Variants in STRN3 observed in about 807,000 individuals in gnomAD.
STRN3 encodes striatin 3, also known as striatin-3.
In STRN3, 29 loss-of-function variants were observed where a neutral mutation model predicts 95.6. That is an observed-to-expected ratio of 0.30 (90% CI 0.23 to 0.41). The LOEUF (loss-of-function observed/expected upper bound fraction) is 0.41, where lower values mean the gene tolerates loss of function less well. Among genes scored for constraint, STRN3 ranks in the 10% least tolerant of loss-of-function variants. The pLI, the probability that STRN3 is intolerant of heterozygous loss-of-function variation, is 1.00. For missense variants in STRN3, 890 were observed against 972.1 expected (o/e 0.92, Z 1.12); for synonymous variants, 331 against 357.6 (o/e 0.93, Z 0.84).
intron 1 of STRN3, among the ~76,000 whole-genome samples, chr14:31,011,784 A>ATTTATTT (rs1317975070): frequency 6.6e-6 from 1 of 152,102 alleles, no homozygotes; most frequent in African/African-American, 2.4e-5. Flanking sequence ...ATTTTTATTT[A>ATTTATTT]TTTATTTTTT....
chr14:30,896,604 A>T (rs1222308490), intron 16 of STRN3, among the ~76,000 whole-genome samples: 1 of 152,072 alleles, frequency 6.6e-6, no homozygotes, highest in Non-Finnish European at 1.5e-5. Flanking sequence ...GGAAGAAGGA[A>T]GGAAAAGTGT....
At chr14:30,960,781 ATGGCGTGAACCCGAGAGGCGGAGCT>A (rs1880157436) in intron 1 of STRN3, among the ~76,000 whole-genome samples, 1 of 144,660 alleles carries the variant, frequency 6.9e-6, no homozygotes, top group South Asian at 2.4e-4. Flanking sequence ...AGTCAGGAGA[ATGGCGTGAACCCGAGAGGCGGAGCT>A]TGCAGTGAGC....
chr14:31,022,297 G>A (rs561103941), intron 1 of STRN3, among the ~76,000 whole-genome samples: 3 of 151,380 alleles, frequency 2.0e-5, no homozygotes, highest in Non-Finnish European at 2.9e-5. Context: ...GGAGAATGCC[G>A]TGAACCTGGG....
At chr14:30,974,949 A>G (rs1470841590) in intron 1 of STRN3, among the ~76,000 whole-genome samples, 1 of 151,688 alleles carries the variant, frequency 6.6e-6, no homozygotes, top group Non-Finnish European at 1.5e-5. Flanking sequence ...AAAACTCAGT[A>G]TCTGCAAATG....
intron 1 of STRN3, chr14:31,018,928 G>A (rs933799973): frequency 1.1e-4 from 30 of 264,112 alleles, no homozygotes; most frequent in Admixed American, 4.3e-4. Flanking sequence ...TTTGAGACCA[G>A]ACTGGCCAAT....
intron 1 of STRN3, among the ~76,000 whole-genome samples, chr14:30,969,368 C>T (rs1880710160): frequency 6.6e-6 from 1 of 151,696 alleles, no homozygotes; most frequent in Non-Finnish European, 1.5e-5. Flanking sequence ...ACCCGGGAGG[C>T]GGAGCTTGCA....
At chr14:30,908,661 C>T (rs1354690910) in intron 13 of STRN3, among the ~76,000 whole-genome samples, 1 of 152,202 alleles carries the variant, frequency 6.6e-6, no homozygotes, top group Non-Finnish European at 1.5e-5. Flanking sequence ...TTAGTGTGCG[C>T]TTCCATGATT....
At chr14:31,014,183 G>C (rs1005214110) in intron 1 of STRN3, among the ~76,000 whole-genome samples, 1 of 151,952 alleles carries the variant, frequency 6.6e-6, no homozygotes, top group Non-Finnish European at 1.5e-5. Flanking sequence ...GGGATTATAG[G>C]AAGGAGCCTG....
At chr14:30,960,746 G>GT (rs1880154744) in intron 1 of STRN3, among the ~76,000 whole-genome samples, 1 of 151,688 alleles carries the variant, frequency 6.6e-6, no homozygotes, top group Non-Finnish European at 1.5e-5. Flanking sequence ...GCGGGCGCCT[G>GT]TAATCCCAGC....
At chr14:30,937,499 A>G (rs1000972183) in intron 5 of STRN3, among the ~76,000 whole-genome samples, 8 of 152,150 alleles carry the variant, frequency 5.3e-5, no homozygotes, top group Non-Finnish European at 1.0e-4. Context: ...GACAATATAT[A>G]TATTTTATCC....
chr14:30,990,309 C>T (rs1459086792), intron 1 of STRN3, among the ~76,000 whole-genome samples: 3 of 151,586 alleles, frequency 2.0e-5, no homozygotes, highest in East Asian at 1.9e-4. Flanking sequence ...ACTATAGGTG[C>T]CCGCCACCAG....
In STRN3 at chr14:30,894,843, A is replaced by C. The variant is rs1444798219; in HGVS notation, c.*568T>G. On this transcript the variant is annotated 3_prime_UTR_variant, in exon 18 of 18. Coordinates refer to ENST00000357479, the MANE Select transcript of STRN3 (RefSeq NM_001083893.2). ...CTTATAAAAACTAGAATTTTATCCA[A>C]ACATTTTGTGCAACTAATGCTAAAA... 7.5e-6 allele frequency: 4 copies of C among 535,932 alleles called. No homozygotes were observed. In the African/African-American group the frequency reaches 8.4e-5, roughly 11 times the overall value. 33.2% of individuals were successfully genotyped at this position (535,932 alleles called of 1,614,324 possible).
intron 1 of STRN3, among the ~76,000 whole-genome samples, chr14:30,991,644 A>C (rs899067796): frequency 2.6e-5 from 4 of 152,136 alleles, no homozygotes; most frequent in Non-Finnish European, 5.9e-5. Flanking sequence ...AGATACACTA[A>C]CTTTACCAGA....
chr14:30,965,968 C>G (rs980585964), intron 1 of STRN3, among the ~76,000 whole-genome samples: 13 of 152,044 alleles, frequency 8.6e-5, no homozygotes, highest in Non-Finnish European at 1.9e-4. Flanking sequence ...CCACTCCACC[C>G]TGACTCATTC....
intron 1 of STRN3, among the ~76,000 whole-genome samples, chr14:30,999,581 A>C (rs576856672): frequency 3.5e-4 from 54 of 152,208 alleles, no homozygotes; most frequent in Non-Finnish European, 6.8e-4. Flanking sequence ...CAGGCAGAAC[A>C]ATCAACCAAC....
At chr14:30,909,072 C>T (rs1199579666) in intron 13 of STRN3, among the ~76,000 whole-genome samples, 1 of 152,178 alleles carries the variant, frequency 6.6e-6, no homozygotes, top group Non-Finnish European at 1.5e-5. Context: ...ACTGAATGTT[C>T]TGAATGTTTG....
intron 8 of STRN3, among the ~76,000 whole-genome samples, chr14:30,919,742 CATA>C (rs1181556468): frequency 6.6e-6 from 1 of 152,034 alleles, no homozygotes; most frequent in Non-Finnish European, 1.5e-5. Context: ...CTGAGTTTCT[CATA>C]ATGATATGAA....
chr14:30,899,240 G>C (rs1240939657), intron 16 of STRN3, among the ~76,000 whole-genome samples: 4 of 152,134 alleles, frequency 2.6e-5, no homozygotes, highest in Non-Finnish European at 5.9e-5. Context: ...CATACTATAA[G>C]GTTCTTCCAG....
At chr14:30,950,175 G>A (rs1181251465) in intron 4 of STRN3, among the ~76,000 whole-genome samples, 2 of 152,082 alleles carry the variant, frequency 1.3e-5, no homozygotes, top group African/African-American at 4.8e-5. Context: ...TAAAAATCAT[G>A]GTAAAGTCAG....
Sources: allele counts gnomAD v4.1 joint callset (sites outside exome capture counted in the v4.1 genomes callset), GRCh38; gene constraint gnomAD v4.1.1; transcripts MANE v1.5; gene names NCBI Gene and HGNC (gene_info 2026-07-23, HGNC 2026-07-21).